CA10: variants seen among roughly 807,000 people sequenced by gnomAD.
CA10 encodes carbonic anhydrase-related protein 10.
A neutral mutation model predicts 44.2 loss-of-function variants in CA10; 14 were observed. The observed-to-expected ratio is 0.32, with a 90% confidence interval of 0.21 to 0.50. The LOEUF is 0.50. Ranked by LOEUF, CA10 falls within the 20% of genes least tolerant of loss-of-function variation. CA10 has a pLI of 0.99. For synonymous variants in CA10, 159 were observed against 141.6 expected, an observed-to-expected ratio of 1.12 and a Z score of -0.87; for missense variants, 350 against 409.7, an observed-to-expected ratio of 0.85 and a Z score of 1.26.
chr17:51,713,842 A>G (rs1486852830), intron 4 of CA10, among the ~76,000 whole-genome samples: 1 of 152,182 alleles, frequency 6.6e-6, no homozygotes, highest in Non-Finnish European at 1.5e-5. Flanking sequence ...ATGGAAGGTG[A>G]ATGAAGACAA....
At chr17:51,916,534 A>T in intron 3 of CA10, among the ~76,000 whole-genome samples, 1 of 152,020 alleles carries the variant, frequency 6.6e-6, no homozygotes, top group Non-Finnish European at 1.5e-5. Context: ...TATAAAAGGG[A>T]GTTTCCCTGC....
intron 3 of CA10, among the ~76,000 whole-genome samples, chr17:51,801,584 A>C (rs1241796501): frequency 6.6e-6 from 1 of 152,196 alleles, no homozygotes. Flanking sequence ...ATGAAAAAAA[A>C]AAGTGTGATC....
At chr17:51,878,460 C>A (rs542319885) in intron 3 of CA10, among the ~76,000 whole-genome samples, 2 of 152,152 alleles carry the variant, frequency 1.3e-5, no homozygotes, top group Admixed American at 6.5e-5. Flanking sequence ...ACCTACCTGG[C>A]AGAATCACAA....
At chr17:51,775,661 T>G (rs2319453) in intron 3 of CA10, among the ~76,000 whole-genome samples, 1 of 151,928 alleles carries the variant, frequency 6.6e-6, no homozygotes, top group African/African-American at 2.4e-5. Flanking sequence ...AAATGCACAA[T>G]TACATGGCAA....
At chr17:51,804,879 CTT>C (rs1235670300) in intron 3 of CA10, among the ~76,000 whole-genome samples, 3 of 152,192 alleles carry the variant, frequency 2.0e-5, no homozygotes, top group Non-Finnish European at 4.4e-5. Flanking sequence ...CTTTAACCCT[CTT>C]TTTGCCAGAA....
chr17:52,002,581 T>C (rs933861388), intron 2 of CA10, among the ~76,000 whole-genome samples: 3 of 151,650 alleles, frequency 2.0e-5, no homozygotes, highest in East Asian at 3.9e-4. Context: ...AAATAAATAA[T>C]GAGCATGCAC....
intron 2 of CA10, among the ~76,000 whole-genome samples, chr17:52,048,208 A>AT (rs757227189): frequency 2.2e-4 from 33 of 152,120 alleles, no homozygotes; most frequent in South Asian, 1.5e-3. Context: ...GTTTTAGTAT[A>AT]TATTTCAGGA....
At chr17:51,683,123 T>C (rs1471466936) in intron 4 of CA10, among the ~76,000 whole-genome samples, 1 of 152,228 alleles carries the variant, frequency 6.6e-6, no homozygotes. Context: ...TATATGGATG[T>C]GGAAAGTAGC....
At chr17:51,820,668 C>T (rs1040827568) in intron 3 of CA10, among the ~76,000 whole-genome samples, 47 of 152,006 alleles carry the variant, frequency 3.1e-4, no homozygotes, top group African/African-American at 1.1e-3. Context: ...GTTTGACTCC[C>T]GATTCTGTTA....
intron 1 of CA10, among the ~76,000 whole-genome samples, chr17:52,151,503 A>T (rs1989702313): frequency 6.6e-6 from 1 of 152,208 alleles, no homozygotes; most frequent in Middle Eastern, 3.4e-3. Flanking sequence ...CTTTATACAC[A>T]TTTCTATTTT....
At chr17:52,033,966 T>C (rs935533162) in intron 2 of CA10, among the ~76,000 whole-genome samples, 1 of 152,312 alleles carries the variant, frequency 6.6e-6, no homozygotes, top group Admixed American at 6.5e-5. Context: ...ATCACTTATA[T>C]GTGAAATCTA....
intron 3 of CA10, among the ~76,000 whole-genome samples, chr17:51,812,454 T>C (rs558344943): frequency 1.1e-4 from 17 of 152,312 alleles, no homozygotes; most frequent in South Asian, 8.3e-4. Context: ...ACCACTGAAA[T>C]TGGCAAACAC....
In CA10 at chr17:52,068,829, GT is replaced by G. The variant is rs1279663689; in HGVS notation, c.136+3489del. Among the ~76,000 whole-genome samples the G allele has an allele frequency of 2.0e-5, 3 of 152,308 alleles. No individual in the cohort carries two copies. The East Asian group carries it at 5.8e-4, about 29-fold the overall frequency. Reference sequence around the variant, plus strand: ...CTCCTTACATGGCATGAATAGAACTGTTTATCACATATGCATGACTATATTA... The same window carrying G: ...CTCCTTACATGGCATGAATAGAACTGTTATCACATATGCATGACTATATTA... On this transcript the variant is annotated intron_variant, in intron 2 of 8. Coordinates refer to ENST00000451037, the MANE Select transcript of CA10 (RefSeq NM_020178.5).
At chr17:51,791,883 T>C (rs879354306) in intron 3 of CA10, among the ~76,000 whole-genome samples, 1 of 152,226 alleles carries the variant, frequency 6.6e-6, no homozygotes, top group Non-Finnish European at 1.5e-5. Flanking sequence ...GGAACTTTGC[T>C]TGAACCTTTA....
chr17:51,641,395 A>G (rs1443668265), intron 6 of CA10, among the ~76,000 whole-genome samples: 2 of 152,170 alleles, frequency 1.3e-5, no homozygotes, highest in Non-Finnish European at 2.9e-5. Context: ...CATTCTATGG[A>G]TCCGAAACCA....
chr17:52,099,119 C>A (rs1988475779), intron 1 of CA10, among the ~76,000 whole-genome samples: 1 of 151,940 alleles, frequency 6.6e-6, no homozygotes, highest in Non-Finnish European at 1.5e-5. Context: ...AAGCTCAGAC[C>A]TGCATTATTA....
chr17:51,724,655 C>T (rs1296933407), intron 4 of CA10, among the ~76,000 whole-genome samples: 1 of 152,126 alleles, frequency 6.6e-6, no homozygotes, highest in Admixed American at 6.5e-5. Context: ...GATATCTGTG[C>T]AATGTGGAAA....
intron 1 of CA10, among the ~76,000 whole-genome samples, chr17:52,075,489 T>C (rs1049053177): frequency 6.6e-6 from 1 of 152,214 alleles, no homozygotes; most frequent in African/African-American, 2.4e-5. Context: ...TTGTAAGACA[T>C]GCTTTGTGTG....
At chr17:52,106,877 T>C (rs1403725543) in intron 1 of CA10, among the ~76,000 whole-genome samples, 1 of 152,232 alleles carries the variant, frequency 6.6e-6, no homozygotes, top group Non-Finnish European at 1.5e-5. Context: ...GTTTTTGACC[T>C]ATCCTACAAA....
Sources: gnomAD v4.1 joint callset for allele counts (sites outside exome capture counted in the v4.1 genomes callset) on GRCh38, gnomAD v4.1.1 for gene constraint, MANE v1.5 for transcripts, NCBI Gene and HGNC (gene_info 2026-07-23, HGNC 2026-07-21) for gene names.